The following ZNF331 variants were observed in gnomAD, a reference collection of about 807,000 sequenced individuals.
ZNF331 encodes zinc finger protein 331, also known as C2H2-like zinc finger protein rearranged in thyroid adenomas.
ZNF331 carries 2 observed loss-of-function variants against 7.0 expected under a neutral mutation model. That is an observed-to-expected ratio of 0.29 (90% confidence interval 0.12 to 0.90). The LOEUF (loss-of-function observed/expected upper bound fraction) is 0.90, where lower values mean the gene tolerates loss of function less well. Ranked by LOEUF, ZNF331 falls within the 40% of genes least tolerant of loss-of-function variation. The pLI, the probability that ZNF331 is intolerant of heterozygous loss-of-function variation, is 0.58. For missense variants in ZNF331, 432 were observed against 587.7 expected, an observed-to-expected ratio of 0.74 and a Z score of 2.74; for synonymous variants, 196 against 205.4, an observed-to-expected ratio of 0.95 and a Z score of 0.39.
chr19:53,548,127 G>T (rs1304786772), intron 2 of ZNF331, among the ~76,000 whole-genome samples: 1 of 149,294 alleles, frequency 6.7e-6, no homozygotes, highest in African/African-American at 2.5e-5. Flanking sequence ...CTTTTTTTTT[G>T]AGATGGAGTC....
chr19:53,540,583 T>C (rs28520083), intron 2 of ZNF331, among the ~76,000 whole-genome samples: 114,073 of 151,426 alleles, frequency 0.75, 43,668 homozygotes, highest in African/African-American at 0.87. Context: ...CAGGCACATG[T>C]CACCATCCGC....
the ZNF331 span, chr19:53,503,278 C>T: frequency 2.9e-6 from 1 of 349,646 alleles, no homozygotes; most frequent in African/African-American, 2.1e-5. Flanking sequence ...AAGGGATCCT[C>T]CTACCTCAGC....
the ZNF331 span, chr19:53,503,760 C>A: frequency 1.4e-6 from 1 of 700,132 alleles, no homozygotes; most frequent in African/African-American, 1.8e-5. Context: ...AAGGGAACGC[C>A]CCCAAGCACG....
the ZNF331 span, among the ~76,000 whole-genome samples, chr19:53,508,922 G>A: frequency 2.0e-5 from 3 of 152,184 alleles, no homozygotes; most frequent in Non-Finnish European, 4.4e-5. Context: ...TGTGGAGGGA[G>A]AGGGAGAGTG....
chr19:53,506,298 G>A, the ZNF331 span, among the ~76,000 whole-genome samples: 2 of 101,200 alleles, frequency 2.0e-5, no homozygotes, highest in East Asian at 4.7e-4. Context: ...TCGCGCCACC[G>A]CACTCCAGCC....
chr19:53,572,648 A>G (rs1162620380), intron 5 of ZNF331, among the ~76,000 whole-genome samples: 1 of 148,238 alleles, frequency 6.7e-6, no homozygotes, highest in Non-Finnish European at 1.5e-5. Flanking sequence ...ATATATACAT[A>G]TATAGTATAT....
At position 53,558,130 on chromosome 19, in the gene ZNF331, C is replaced by CCAGG. The variant is rs1344803553; in HGVS notation, c.-74+2224_-74+2227dup. On this transcript the variant is annotated intron_variant, in intron 3 of 5. Transcript: ENST00000449416. The surrounding 1 kb of genome is among the most constrained non-coding windows in gnomAD (Gnocchi z 4.5). ...CCACTCTGCCCCACTAGCCACAAGA[C>CCAGG]CAGGCCTCTGGGACATCTTGCCAAC... Among the ~76,000 whole-genome samples, 2 of 152,178 alleles carry CCAGG rather than the reference C, an allele frequency of 1.3e-5. No homozygotes were observed. Among genetic ancestry groups the CCAGG allele is most frequent in the Non-Finnish European group, 2.9e-5 (2 of 68,026 alleles).
intron 2 of ZNF331, among the ~76,000 whole-genome samples, chr19:53,525,141 A>G (rs1480828403): frequency 6.6e-6 from 1 of 152,182 alleles, no homozygotes; most frequent in Non-Finnish European, 1.5e-5. Flanking sequence ...TTTTGGTACC[A>G]TTACCATGCT....
intron 5 of ZNF331, among the ~76,000 whole-genome samples, chr19:53,572,712 G>A (rs1319482228): frequency 1.3e-5 from 2 of 151,524 alleles, no homozygotes; most frequent in East Asian, 1.9e-4. Context: ...AGCACTGTGT[G>A]TGTAAGTACA....
chr19:53,543,001 G>A (rs907494338), intron 2 of ZNF331, among the ~76,000 whole-genome samples: 5 of 152,030 alleles, frequency 3.3e-5, no homozygotes, highest in Non-Finnish European at 5.9e-5. Flanking sequence ...TAGAGACAGG[G>A]TTTTTCCATG....
At chr19:53,523,155 A>C (rs1366733289) in intron 2 of ZNF331, 1 of 152,044 alleles carries the variant, frequency 6.6e-6, no homozygotes, top group Non-Finnish European at 1.5e-5. Flanking sequence ...CCATCACCTC[A>C]CTAATTATTA....
At position 53,573,528 on chromosome 19, in the gene ZNF331, C is replaced by T. The variant is rs183943308; in HGVS notation, c.136+1798C>T. Among the ~76,000 whole-genome samples, 19 of 151,612 alleles carry T rather than the reference C, an allele frequency of 1.3e-4. No individual in the cohort carries two copies. The East Asian group carries it at 2.5e-3, about 20-fold the overall frequency. On this transcript the variant is annotated intron_variant, in intron 5 of 5. Coordinates refer to ENST00000449416, the MANE Select transcript of ZNF331 (RefSeq NM_001079906.2). This position sits in a 1 kb window ranked among gnomAD's most constrained non-coding sequence, Gnocchi z 4.2. ...TGTTACTCAGGCTGGAGTGCAGTGG[C>T]GCGATCACAGCTCACAGCAGCCTCA...
upstream of ZNF331, among the ~76,000 whole-genome samples, chr19:53,518,909 A>G (rs1367732647): frequency 6.6e-6 from 1 of 152,212 alleles, no homozygotes; most frequent in Non-Finnish European, 1.5e-5. Context: ...TGCTCCTTTT[A>G]TGGCCACAGA....
chr19:53,540,966 T>C (rs2088120935), intron 2 of ZNF331, among the ~76,000 whole-genome samples: 1 of 152,174 alleles, frequency 6.6e-6, no homozygotes, highest in Admixed American at 6.5e-5. Flanking sequence ...CTTCCCTATT[T>C]TAGTGTCAGC....
chr19:53,525,886 C>T (rs568738660), intron 2 of ZNF331, among the ~76,000 whole-genome samples: 41 of 152,226 alleles, frequency 2.7e-4, no homozygotes, highest in African/African-American at 8.9e-4. Context: ...CAACTTTTCA[C>T]CATTGATTAT....
At chr19:53,559,696 AC>A (rs1187501448) in intron 3 of ZNF331, among the ~76,000 whole-genome samples, 2 of 148,796 alleles carry the variant, frequency 1.3e-5, no homozygotes, top group African/African-American at 2.5e-5. Flanking sequence ...ACATATACAC[AC>A]CCCATATATA....
At chr19:53,567,416 T>C (rs929827034) in intron 3 of ZNF331, among the ~76,000 whole-genome samples, 2 of 152,144 alleles carry the variant, frequency 1.3e-5, no homozygotes, top group African/African-American at 4.8e-5. Context: ...ACCCACTGTC[T>C]GATCCTAGAT....
chr19:53,548,501 C>T lies in ZNF331; in HGVS notation c.-137-7344C>T, dbSNP rs1173065920. Among the ~76,000 whole-genome samples the T allele has an allele frequency of 3.3e-5, 5 of 152,168 alleles. No homozygotes were observed. In the East Asian group the frequency reaches 9.6e-4, roughly 29 times the overall value. On this transcript the variant is annotated intron_variant, in intron 2 of 5. Transcript: ENST00000449416. ...TAAACTCCTGGGCTCAAGCAGTCCT[C>T]CCATCTCGGCCTTCCAAAGTTCTGG...
intron 2 of ZNF331, chr19:53,523,583 C>G (rs548109250): frequency 2.0e-5 from 3 of 151,796 alleles, no homozygotes; most frequent in Admixed American, 6.6e-5. Flanking sequence ...TCTTATATAT[C>G]GTGAATATTA....
Sources: gnomAD v4.1 joint callset for allele counts (sites outside exome capture counted in the v4.1 genomes callset) on GRCh38, gnomAD v4.1.1 for gene constraint, Gnocchi (gnomAD v3.1) non-coding constraint, MANE v1.5 for transcripts, NCBI Gene and HGNC (gene_info 2026-07-23, HGNC 2026-07-21) for gene names.